MICAL2: variants seen among roughly 807,000 people sequenced by gnomAD.
The protein encoded by MICAL2 is [F-actin]-monooxygenase MICAL2.
Under a neutral mutation model 127.3 loss-of-function variants are expected in MICAL2, and 77 were observed. That is an observed-to-expected ratio of 0.60 (90% CI 0.50 to 0.73). MICAL2 has a LOEUF of 0.73. Ranked by LOEUF, MICAL2 falls within the 30% of genes least tolerant of loss-of-function variation. The pLI is 0.00. For missense variants in MICAL2, 1,351 were observed against 1,434.4 expected (o/e 0.94, Z 0.94); for synonymous variants, 570 against 551.1 (o/e 1.03, Z -0.48).
At chr11:12,328,599 TGGCTCATGAATTGGGG>T (rs1405569049) in intron 32 of MICAL2, among the ~76,000 whole-genome samples, 1 of 152,174 alleles carries the variant, frequency 6.6e-6, no homozygotes, top group Non-Finnish European at 1.5e-5. Context: ...AGTAGGGGTG[TGGCTCATGAATTGGGG>T]GGCCCTAAGA....
chr11:12,280,046 C>T (rs1029442943), intron 1 of MICAL2, among the ~76,000 whole-genome samples: 1 of 152,212 alleles, frequency 6.6e-6, no homozygotes, highest in Admixed American at 6.5e-5. Context: ...CTTTCCCATC[C>T]TGGAACTGCG....
chr11:12,322,819 A>T (rs995267048), intron 30 of MICAL2, among the ~76,000 whole-genome samples: 1 of 152,218 alleles, frequency 6.6e-6, no homozygotes, highest in Non-Finnish European at 1.5e-5. Flanking sequence ...TACGAATGCT[A>T]TAAAAATCAT....
chr11:12,196,018 G>A (rs966642814), intron 3 of MICAL2: 3 of 153,346 alleles, frequency 2.0e-5, no homozygotes, highest in Non-Finnish European at 4.4e-5. Flanking sequence ...TTGCTGTATG[G>A]GGACAGACTG....
In MICAL2 at chr11:12,221,656, A is replaced by G. The variant is rs887328897; in HGVS notation, c.1219A>G (p.Met407Val). 6.2e-7 allele frequency: 1 copy of G among 1,608,402 alleles called. No individual in the cohort carries two copies. Among genetic ancestry groups the G allele is most frequent in the East Asian group, 2.2e-5 (1 of 44,678 alleles). Residue 407 changes from methionine (M) to valine (V), a missense_variant, in exon 10 of 28, where the codon ATG becomes GTG. Around this residue, in one of 2 missense-constraint regions of MICAL2, gnomAD observed 599 missense variants for 714.9 expected, o/e 0.84. Coordinates refer to ENST00000683283, the MANE Select transcript of MICAL2 (RefSeq NM_001282663.2). ...TTTTCTTTTGCAGCCATTTTGGCCC[A>G]TGGGTACAGGCTGTGCCCGTGGCTT... The part of the protein sequence containing the change: ...GDSLLEPFWP[M>V]GTGCARGFLA...
At chr11:12,300,717 T>C (rs1359622998) in intron 29 of MICAL2, among the ~76,000 whole-genome samples, 3 of 152,162 alleles carry the variant, frequency 2.0e-5, no homozygotes, top group Non-Finnish European at 2.9e-5. Context: ...GAGCTATAGA[T>C]GAGACCTGCA....
At chr11:12,213,853 C>T (rs934269020) in intron 7 of MICAL2, among the ~76,000 whole-genome samples, 1 of 152,134 alleles carries the variant, frequency 6.6e-6, no homozygotes, top group Non-Finnish European at 1.5e-5. Context: ...TAAAGGTTCC[C>T]GGGTGAGTTT....
At chr11:12,262,566 GA>G (rs1223760781) in intron 27 of MICAL2, 29 bp downstream of exon 27, 1 of 1,584,960 alleles carries the variant, frequency 6.3e-7, no homozygotes, top group Non-Finnish European at 8.7e-7. Flanking sequence ...AATTTTCAAA[GA>G]GTGGTACTAA....
At chr11:12,313,917 G>T (rs1423017302) in intron 29 of MICAL2, among the ~76,000 whole-genome samples, 1 of 134,882 alleles carries the variant, frequency 7.4e-6, no homozygotes, top group Non-Finnish European at 1.6e-5. Flanking sequence ...ATCACTAAAT[G>T]TCCCTGATTT....
At chr11:12,243,437 C>T (rs554850274) in intron 20 of MICAL2, 2 of 155,990 alleles carry the variant, frequency 1.3e-5, no homozygotes, top group East Asian at 3.8e-4. Flanking sequence ...TCCCTCACAG[C>T]ACACCTGTCC....
At chr11:12,214,568 CTA>C (rs1855908616) in intron 7 of MICAL2, among the ~76,000 whole-genome samples, 2 of 152,340 alleles carry the variant, frequency 1.3e-5, no homozygotes, top group South Asian at 2.1e-4. Flanking sequence ...GATTAGCAAA[CTA>C]TGGCTGGCCA....
chr11:12,295,739 A>G (rs543118146), downstream of MICAL2, among the ~76,000 whole-genome samples: 2 of 152,232 alleles, frequency 1.3e-5, no homozygotes, highest in African/African-American at 4.8e-5. Context: ...TATCATAGAT[A>G]TTATGCCAAT....
chr11:12,279,905 G>A lies in MICAL2; in HGVS notation c.88-1028G>A, dbSNP rs145981841. On this transcript the variant is annotated intron_variant, in intron 1 of 2. Coordinates refer to the MICAL2 transcript ENST00000529028. ...CAGGCTTGGGCACTCTGATGGATAGGGGGTCTGCCATAGACACAGGTGGAC... is the reference window on the plus strand; with the variant it reads ...CAGGCTTGGGCACTCTGATGGATAGAGGGTCTGCCATAGACACAGGTGGAC... Among the ~76,000 whole-genome samples the A allele has an allele frequency of 8.2e-3, 1,247 of 152,352 alleles. 22 individuals are homozygous for A. Among genetic ancestry groups the A allele is most frequent in the African/African-American group, 0.029 (1,207 of 41,580 alleles).
intron 4 of MICAL2, 104 bp downstream of exon 4, chr11:12,204,561 C>G: frequency 8.8e-7 from 1 of 1,131,440 alleles, no homozygotes; most frequent in Non-Finnish European, 1.3e-6. Flanking sequence ...ATCTTAGTCC[C>G]TGGGGGCACC....
chr11:12,154,857 A>G (rs969564544), intron 2 of MICAL2, among the ~76,000 whole-genome samples: 2 of 152,230 alleles, frequency 1.3e-5, no homozygotes, highest in Non-Finnish European at 2.9e-5. Context: ...CAGAAAAGGA[A>G]GACCATACTA....
chr11:12,301,345 A>T (rs1864043976), intron 29 of MICAL2, among the ~76,000 whole-genome samples: 1 of 152,080 alleles, frequency 6.6e-6, no homozygotes, highest in Non-Finnish European at 1.5e-5. Context: ...GTTCTTTTCC[A>T]TTGCTCCATT....
At chr11:12,358,491 G>T, downstream of MICAL2, 2 of 1,611,888 alleles carry the variant, frequency 1.2e-6, no homozygotes, top group Non-Finnish European at 1.7e-6. Flanking sequence ...GAGGCCCGTA[G>T]TCCCTCTCCC....
intron 12 of MICAL2, among the ~76,000 whole-genome samples, chr11:12,224,222 A>G (rs1366764276): frequency 6.6e-6 from 1 of 152,136 alleles, no homozygotes; most frequent in African/African-American, 2.4e-5. Context: ...ATAAGTTCCT[A>G]GATGCTCTCA....
At chr11:12,165,257 A>G (rs1855358755) in intron 3 of MICAL2, among the ~76,000 whole-genome samples, 1 of 152,146 alleles carries the variant, frequency 6.6e-6, no homozygotes. Flanking sequence ...CCCCTGGCAT[A>G]TCACATTCAT....
chr11:12,242,299 G>C lies in MICAL2; in HGVS notation c.2423G>C (p.Arg808Thr), dbSNP rs1860078919. The change falls in exon 19 of 28, where the codon AGA becomes ACA. Residue 808 changes from arginine to threonine, a missense_variant. Physicochemically the swap from Arg to Thr is moderately conservative, Grantham distance 71. This residue lies in a region of MICAL2 where 752 missense variants were observed against 719.4 expected (regional missense o/e 1.05). Transcript: ENST00000683283. ...AGSECLSRPW[R>T]ARAKSDLQLG... ...AGTGAGTGCCTGAGCAGACCTTGGA[G>C]AGCCAGAGCCAAGTCTGACCTACAG... is the stretch of plus-strand genomic sequence containing the variant. 1.2e-6 allele frequency: 2 copies of C among 1,614,038 alleles called. No individual in the cohort carries two copies. The highest frequency in any genetic ancestry group is 2.7e-5 in the African/African-American group (2 of 74,916).
Sources: allele counts gnomAD v4.1 joint callset (sites outside exome capture counted in the v4.1 genomes callset), GRCh38; gene constraint gnomAD v4.1.1; regional missense constraint gnomAD v4.1.1; transcripts MANE v1.5; gene names NCBI Gene and HGNC (gene_info 2026-07-23, HGNC 2026-07-21).